Variants in HMGXB4 observed in about 807,000 individuals in gnomAD.
The protein encoded by HMGXB4 is HMG domain-containing protein 4.
In HMGXB4, 27 loss-of-function variants were observed where a neutral mutation model predicts 63.9. That is an observed-to-expected ratio of 0.42 (90% CI 0.31 to 0.58). The LOEUF is 0.58. HMGXB4 is among the 20% of genes least tolerant of loss of function. HMGXB4 has a pLI of 0.13. For synonymous variants in HMGXB4, 264 were observed against 265.3 expected (o/e 0.99, Z 0.05); for missense variants, 624 against 700.7 (o/e 0.89, Z 1.24).
intron 5 of HMGXB4, among the ~76,000 whole-genome samples, chr22:35,274,075 C>G (rs1345296315): frequency 1.3e-5 from 2 of 152,194 alleles, no homozygotes; most frequent in Admixed American, 6.5e-5. Context: ...AGTGTCTGCT[C>G]TCAAAGAGCT....
chr22:35,278,226 T>TA (rs1424507256), intron 5 of HMGXB4, among the ~76,000 whole-genome samples: 1 of 152,240 alleles, frequency 6.6e-6, no homozygotes, highest in Non-Finnish European at 1.5e-5. Context: ...ATTGTCTAGA[T>TA]ATACTACTAC....
the HMGXB4 span, among the ~76,000 whole-genome samples, chr22:35,242,741 A>G: frequency 6.6e-6 from 1 of 152,016 alleles, no homozygotes; most frequent in Non-Finnish European, 1.5e-5. Context: ...CCTCTTTTCT[A>G]ATGTATTCAT....
At chr22:35,277,360 T>C (rs1923973306) in intron 5 of HMGXB4, among the ~76,000 whole-genome samples, 1 of 152,248 alleles carries the variant, frequency 6.6e-6, no homozygotes. Flanking sequence ...TGTTTATGTT[T>C]TTGTTTTGAG....
the HMGXB4 span, among the ~76,000 whole-genome samples, chr22:35,251,385 A>G: frequency 6.6e-6 from 1 of 152,180 alleles, no homozygotes; most frequent in Non-Finnish European, 1.5e-5. Context: ...TACAACTCCT[A>G]TAACTTTCCA....
At chr22:35,245,843 C>G in the HMGXB4 span, among the ~76,000 whole-genome samples, 1 of 152,148 alleles carries the variant, frequency 6.6e-6, no homozygotes. Flanking sequence ...TTCTGCTGCT[C>G]TCTCCTGGGT....
chr22:35,266,798 CAT>C (rs1468610130), intron 5 of HMGXB4, among the ~76,000 whole-genome samples: 1 of 152,106 alleles, frequency 6.6e-6, no homozygotes, highest in Non-Finnish European at 1.5e-5. Context: ...GCCTGGGCAA[CAT>C]AGCGAAACCC....
chr22:35,262,151 C>G, intron 1 of HMGXB4, 172 bp from the exon 2 acceptor site: 1 of 524,180 alleles, frequency 1.9e-6, no homozygotes, highest in Non-Finnish European at 3.4e-6. Flanking sequence ...AGTATACTTC[C>G]TGCAGTATCA....
rs777662158 is a variant in HMGXB4, at chr22:35,262,365, A to G, written c.-26A>G. On this transcript the variant is annotated 5_prime_UTR_variant, in exon 2 of 11. Coordinates refer to ENST00000216106, the MANE Select transcript of HMGXB4 (RefSeq NM_001003681.3). The stretch of plus-strand genomic sequence containing the variant: ...GGAAGGAGCCTGGACACAGTGACAC[A>G]TTCTCAAAGGCCCTGCAGGACCACC... The G allele has an allele frequency of 1.1e-5, 17 of 1,613,060 alleles. No homozygotes were observed. The South Asian group carries it at 1.5e-4, about 15-fold the overall frequency.
chr22:35,254,038 C>T (rs531467412), upstream of HMGXB4, among the ~76,000 whole-genome samples: 3 of 152,016 alleles, frequency 2.0e-5, no homozygotes, highest in African/African-American at 4.8e-5. Context: ...CCCATCAGAC[C>T]GAAGACAAAG....
At chr22:35,241,815 G>A in the HMGXB4 span, among the ~76,000 whole-genome samples, 48 of 152,318 alleles carry the variant, frequency 3.2e-4, no homozygotes, top group African/African-American at 1.2e-3. Flanking sequence ...ACTTCCTTCA[G>A]AGGGTCTGTG....
chr22:35,280,156 A>T (rs1302951353), intron 5 of HMGXB4, among the ~76,000 whole-genome samples: 2 of 152,100 alleles, frequency 1.3e-5, no homozygotes, highest in African/African-American at 4.8e-5. Flanking sequence ...TTGCCATATA[A>T]CGTAATATGA....
chr22:35,269,665 T>TA (rs1396271934), intron 5 of HMGXB4, among the ~76,000 whole-genome samples: 1 of 152,212 alleles, frequency 6.6e-6, no homozygotes, highest in African/African-American at 2.4e-5. Flanking sequence ...ATTTATGATC[T>TA]AAATGATAAG....
At chr22:35,254,955 G>A (rs935588764), upstream of HMGXB4, among the ~76,000 whole-genome samples, 1 of 152,196 alleles carries the variant, frequency 6.6e-6, no homozygotes, top group Non-Finnish European at 1.5e-5. Flanking sequence ...GCTAGTGGTA[G>A]AGTGTGGGGA....
At chr22:35,253,222 T>C (rs900416323), upstream of HMGXB4, among the ~76,000 whole-genome samples, 4 of 151,824 alleles carry the variant, frequency 2.6e-5, no homozygotes, top group South Asian at 2.1e-4. Context: ...GCGGATGGAC[T>C]TCGAAGTGGG....
At chr22:35,279,338 G>A (rs891753111) in intron 5 of HMGXB4, among the ~76,000 whole-genome samples, 2 of 151,824 alleles carry the variant, frequency 1.3e-5, no homozygotes, top group Admixed American at 6.6e-5. Flanking sequence ...AGTAGAGACA[G>A]GGTTTCTCCA....
chr22:35,249,000 A>G, the HMGXB4 span, among the ~76,000 whole-genome samples: 1 of 152,174 alleles, frequency 6.6e-6, no homozygotes, highest in African/African-American at 2.4e-5. Context: ...ATTACTAAAC[A>G]CTAATGTAGA....
In HMGXB4 at chr22:35,263,859, G is replaced by A; in HGVS notation, c.244G>A (p.Asp82Asn). The A allele has an allele frequency of 1.2e-6, 2 of 1,613,518 alleles. No homozygotes were observed. The highest frequency in any genetic ancestry group is 1.1e-5 in the South Asian group (1 of 91,060). Residue 82 changes from aspartate to asparagine, a missense_variant, in exon 4 of 11, where the codon GAT becomes AAT. Transcript: ENST00000216106. Reference protein sequence around the residue: ...HKKKRKHSSDDYYYGDISSLE... With the variant: ...HKKKRKHSSDNYYYGDISSLE... ...GAAGAAGAGGAAGCACTCCTCTGAT[G>A]ATTACTACTATGGAGGTGAGGATGG...
chr22:35,283,045 AGT>A (rs1924360076), intron 5 of HMGXB4, among the ~76,000 whole-genome samples: 1 of 152,232 alleles, frequency 6.6e-6, no homozygotes, highest in East Asian at 1.9e-4. Flanking sequence ...TGCCTCAGGT[AGT>A]ACAGAGCTGT....
At chr22:35,285,601 C>A (rs1296271688) in intron 6 of HMGXB4, among the ~76,000 whole-genome samples, 1 of 152,086 alleles carries the variant, frequency 6.6e-6, no homozygotes, top group African/African-American at 2.4e-5. Flanking sequence ...GTAGCCCACG[C>A]CTGTGGTCCC....
Sources: gnomAD v4.1 joint callset for allele counts (sites outside exome capture counted in the v4.1 genomes callset) on GRCh38, gnomAD v4.1.1 for gene constraint, MANE v1.5 for transcripts, NCBI Gene and HGNC (gene_info 2026-07-23, HGNC 2026-07-21) for gene names.